NALF2: variants seen among roughly 807,000 people sequenced by gnomAD.
NALF2 encodes the protein NALCN channel auxiliary factor 2, also known as bB57D9.1 (TED protein).
Under a neutral mutation model 24.8 loss-of-function variants are expected in NALF2, and 1 was observed. The observed-to-expected ratio is 0.04, with a 90% CI of 0.01 to 0.19. NALF2 has a LOEUF of 0.19. Ranked by LOEUF, NALF2 falls within the 10% of genes least tolerant of loss-of-function variation. The pLI is 1.00. For synonymous variants in NALF2, 254 were observed against 189.8 expected (o/e 1.34, Z -2.78); for missense variants, 458 against 409.6 (o/e 1.12, Z -1.02).
Position 69,516,791 on chromosome X carries a change from G to GGT in NALF2, c.861+10660_861+10661dup, listed in dbSNP as rs955639743. ...TCTTTTTAACACCTCCATCTCTCAG[G>GGT]GTGTGTGTGTGTGCGTTTGTGTGTG... On this transcript the variant is annotated intron_variant, in intron 1 of 2. Coordinates refer to ENST00000252338, the MANE Select transcript of NALF2 (RefSeq NM_015686.3). Among the ~76,000 whole-genome samples the GGT allele has an allele frequency of 1.4e-3, 158 of 110,988 alleles. 3 individuals carry two copies. The highest frequency in any genetic ancestry group is 4.4e-4 in the Non-Finnish European group (23 of 52,853).
Position 69,532,221 on chromosome X carries a change from G to A in NALF2, c.*2265G>A, listed in dbSNP as rs1930916015. The A allele has an allele frequency of 8.9e-6, 1 of 112,664 alleles. No individual in the cohort carries two copies. 9.3% of individuals were successfully genotyped at this position (112,664 alleles called of 1,213,427 possible). A position where few individuals can be genotyped will look rare whatever the true frequency, so the allele number is the denominator to read the frequency against. Reference sequence around the variant, plus strand: ...CCTGCCCTCCATCACAGACAGCAGAGCCGGGCAGCTTTCTTATGCCATTTT... The same window carrying A: ...CCTGCCCTCCATCACAGACAGCAGAACCGGGCAGCTTTCTTATGCCATTTT... On this transcript the variant is annotated 3_prime_UTR_variant, in exon 3 of 3. Transcript: ENST00000252338.
intron 1 of NALF2, among the ~76,000 whole-genome samples, chrX:69,526,488 A>G (rs1238867058): frequency 8.9e-6 from 1 of 112,290 alleles, no homozygotes; most frequent in Non-Finnish European, 1.9e-5. Context: ...TGTCCTGTTC[A>G]TTCATTCAAC....
intron 1 of NALF2, among the ~76,000 whole-genome samples, chrX:69,527,972 AT>A (rs202015561): frequency 1.7e-4 from 18 of 107,472 alleles, no homozygotes; most frequent in Middle Eastern, 9.5e-3. Flanking sequence ...GGCTGGAGAC[AT>A]TTTTTTTGGT....
In NALF2 at chrX:69,530,054, A is replaced by C; in HGVS notation, c.*98A>C. ...CTCCTCCCATGGGAGGTGTAGGATA[A>C]GGTGGGGGCGGGGGAAATGGGGGAA... On this transcript the variant is annotated 3_prime_UTR_variant, in exon 3 of 3. Transcript: ENST00000252338. The C allele has an allele frequency of 1.9e-4, 66 of 339,024 alleles. No homozygotes were observed. Among genetic ancestry groups the C allele is most frequent in the Non-Finnish European group, 2.6e-4 (53 of 204,650 alleles). The allele number at this position is 339,024 out of a possible 1,213,427, so 27.9% of individuals were successfully genotyped here.
At chrX:69,518,715 A>G (rs1930696062) in intron 1 of NALF2, among the ~76,000 whole-genome samples, 1 of 111,847 alleles carries the variant, frequency 8.9e-6, no homozygotes, top group African/African-American at 3.3e-5. Flanking sequence ...GTTAAATGAC[A>G]TATATAGATC....
chrX:69,529,489 A>G, intron 2 of NALF2, 82 bp from the exon 3 acceptor site: 1 of 1,127,623 alleles, frequency 8.9e-7, no homozygotes, highest in Non-Finnish European at 1.2e-6. Context: ...GAGCAGCCCC[A>G]GCTCTGGAAA....
chrX:69,504,448 C>G lies in NALF2; in HGVS notation c.-835C>G, dbSNP rs912720129. Among the ~76,000 whole-genome samples the G allele has an allele frequency of 6.2e-5, 7 of 113,572 alleles. No homozygotes were observed. The highest frequency in any genetic ancestry group is 1.9e-4 in the African/African-American group (6 of 31,372). On this transcript the variant is annotated 5_prime_UTR_variant, in exon 1 of 3. Coordinates refer to ENST00000252338, the MANE Select transcript of NALF2 (RefSeq NM_015686.3). The stretch of plus-strand genomic sequence containing the variant: ...GGAAGATGGCGACAGACTGAGGGTG[C>G]ATGGCCAGCGGGAGCCACGGGGCCG...
chrX:69,515,092 A>C (rs1432023738), intron 1 of NALF2, among the ~76,000 whole-genome samples: 1 of 112,300 alleles, frequency 8.9e-6, no homozygotes, highest in Non-Finnish European at 1.9e-5. Context: ...AATAAATGCT[A>C]TCTCAGTCAT....
At chrX:69,516,602 G>A (rs1416731495) in intron 1 of NALF2, among the ~76,000 whole-genome samples, 1 of 112,180 alleles carries the variant, frequency 8.9e-6, no homozygotes, top group African/African-American at 3.2e-5. Context: ...CCCCCAGATG[G>A]TAGGACCTGG....
chrX:69,506,199 A>C (rs1298168324), intron 1 of NALF2, 56 bp downstream of exon 1: 2 of 1,140,652 alleles, frequency 1.8e-6, no homozygotes, highest in African/African-American at 3.6e-5. Context: ...CAGCGGCCGC[A>C]GTGGGACCGG....
In NALF2 at chrX:69,504,401, C is replaced by T. The variant is rs1039970700; in HGVS notation, c.-882C>T. 8.8e-6 allele frequency among the ~76,000 whole-genome samples: 1 copy of T among 113,320 alleles called. No individual in the cohort carries two copies. The highest frequency in any genetic ancestry group is 1.9e-5 in the Non-Finnish European group (1 of 53,296). On this transcript the variant is annotated 5_prime_UTR_variant, in exon 1 of 3. Coordinates refer to ENST00000252338, the MANE Select transcript of NALF2 (RefSeq NM_015686.3). ...CGCCAAACACACTTGCACAGGGGCT[C>T]TCAAGGTGTTCTCCGCACAGCGGAA... is the stretch of plus-strand genomic sequence containing the variant.
At position 69,504,376 on chromosome X, in the gene NALF2, C is replaced by G. The variant is rs3811375; in HGVS notation, c.-907C>G. On this transcript the variant is annotated 5_prime_UTR_variant, in exon 1 of 3. Coordinates refer to ENST00000252338, the MANE Select transcript of NALF2 (RefSeq NM_015686.3). The stretch of plus-strand genomic sequence containing the variant: ...GTGCCTCTTTCTCCGCCCTGCTCCC[C>G]GCCAAACACACTTGCACAGGGGCTC... 2.0e-3 allele frequency among the ~76,000 whole-genome samples: 231 copies of G among 113,141 alleles called. 5 individuals carry two copies. In the East Asian group the frequency reaches 0.048, roughly 23 times the overall value.
chrX:69,516,681 C>T (rs1930666205), intron 1 of NALF2, among the ~76,000 whole-genome samples: 1 of 111,848 alleles, frequency 8.9e-6, no homozygotes, highest in Non-Finnish European at 1.9e-5. Flanking sequence ...CCTTCACCAA[C>T]TGCTAAAGAT....
At chrX:69,512,030 C>T (rs1312930953) in intron 1 of NALF2, among the ~76,000 whole-genome samples, 2 of 111,538 alleles carry the variant, frequency 1.8e-5, no homozygotes, top group Non-Finnish European at 3.8e-5. Context: ...TCTGTGTGCC[C>T]ATACAGACTG....
intron 1 of NALF2, among the ~76,000 whole-genome samples, chrX:69,508,888 C>G (rs1275471893): frequency 1.8e-5 from 2 of 112,388 alleles, no homozygotes; most frequent in Non-Finnish European, 3.8e-5. Context: ...TTTCTTACTT[C>G]TAGAAACCAA....
rs1477824092 is a variant in NALF2, at chrX:69,531,572, G to A, written c.*1616G>A. The stretch of plus-strand genomic sequence containing the variant: ...GATGCTAGTGAGTGAATGGGAGGGC[G>A]GGCCTGGAGCTGCGTGAGAGTGAAA... On this transcript the variant is annotated 3_prime_UTR_variant, in exon 3 of 3. Transcript: ENST00000252338. 8.9e-6 allele frequency: 1 copy of A among 112,294 alleles called. No individual in the cohort carries two copies. The highest frequency in any genetic ancestry group is 3.3e-5 in the African/African-American group (1 of 30,727). The allele number at this position is 112,294 out of a possible 1,213,427, so 9.3% of individuals were successfully genotyped here. A position where few individuals can be genotyped will look rare whatever the true frequency, so the allele number is the denominator to read the frequency against.
At chrX:69,524,156 G>T (rs1930773256) in intron 1 of NALF2, among the ~76,000 whole-genome samples, 1 of 104,519 alleles carries the variant, frequency 9.6e-6, no homozygotes, top group Non-Finnish European at 2.0e-5. Flanking sequence ...GGAGTGCAAT[G>T]GTGTGATCTC....
At position 69,530,614 on chromosome X, in the gene NALF2, AG is replaced by A. The variant is rs1483523273; in HGVS notation, c.*659del. The A allele has an allele frequency of 8.9e-6, 1 of 112,530 alleles. No individual in the cohort carries two copies. The highest frequency in any genetic ancestry group is 1.9e-5 in the Non-Finnish European group (1 of 53,342). 9.3% of individuals were successfully genotyped at this position (112,530 alleles called of 1,213,427 possible). ...GGGTACAGAATGAATGGTGAAAGAG[AG>A]TGGAGATACGGAAGGGGGAGAGGAG... On this transcript the variant is annotated 3_prime_UTR_variant, in exon 3 of 3. Transcript: ENST00000252338.
rs1930852758 is a variant in NALF2 at position 69,529,104 on chromosome X, T to G, written c.973T>G (p.Phe325Val). 23 of 1,208,992 alleles carry G rather than the reference T, an allele frequency of 1.9e-5. No homozygotes were observed. Among genetic ancestry groups the G allele is most frequent in the Non-Finnish European group, 2.2e-5 (20 of 894,796 alleles). Residue 325 changes from phenylalanine to valine, a missense_variant, in exon 2 of 3, where the codon TTT becomes GTT. By Grantham distance (50) the Phe-to-Val change is conservative. Transcript: ENST00000252338. ...YCLEVQTRCP[F>V]ILPDNEEMVY... ...CCTGGAGGTGCAGACCCGGTGCCCC[T>G]TTATACTCCCCGACAATGAGGAAAT...
Sources: allele counts gnomAD v4.1 joint callset (sites outside exome capture counted in the v4.1 genomes callset), GRCh38; gene constraint gnomAD v4.1.1; transcripts MANE v1.5; gene names NCBI Gene and HGNC (gene_info 2026-07-23, HGNC 2026-07-21).